Variants in ANKHD1 observed in about 807,000 individuals in gnomAD.
ANKHD1 encodes the protein ankyrin repeat and KH domain containing 1.
A neutral mutation model predicts 230.5 loss-of-function variants in ANKHD1; 31 were observed. The observed-to-expected ratio is 0.13, with a 90% confidence interval of 0.10 to 0.18. The LOEUF is 0.18. Ranked by LOEUF, ANKHD1 falls within the 10% of genes least tolerant of loss-of-function variation. The pLI is 1.00. For missense variants in ANKHD1, 2,256 were observed against 3,071.3 expected (o/e 0.73, Z 6.27); for synonymous variants, 1,074 against 1,117.6 (o/e 0.96, Z 0.78).
intron 7 of ANKHD1, among the ~76,000 whole-genome samples, chr5:140,451,112 A>C (rs567267909): frequency 6.6e-6 from 1 of 152,254 alleles, no homozygotes; most frequent in East Asian, 1.9e-4. Flanking sequence ...AGATCACACC[A>C]CTGCACTCCA....
chr5:140,414,233 T>C (rs775349104), intron 1 of ANKHD1, among the ~76,000 whole-genome samples: 2 of 152,206 alleles, frequency 1.3e-5, no homozygotes, highest in Non-Finnish European at 2.9e-5. Context: ...CTGGATCATA[T>C]GGTAATTCTA....
chr5:140,505,200 C>T lies in ANKHD1; in HGVS notation c.3229C>T (p.Arg1077Trp), dbSNP rs755677420. 13 of 1,614,008 alleles carry T rather than the reference C, an allele frequency of 8.1e-6. No individual in the cohort carries two copies. The highest frequency in any genetic ancestry group is 1.0e-5 in the Non-Finnish European group (12 of 1,179,984). The change falls in exon 17 of 34, where the codon CGG becomes TGG. Residue 1077 changes from arginine (R) to tryptophan (W), a missense_variant. Physicochemically the swap from Arg to Trp is moderately radical, Grantham distance 101. Transcript: ENST00000360839. ...HEELVSVLIA[R>W]DAKIEHRDKK... Reference sequence around the variant, plus strand: ...AGAACTTGTATCTGTGCTCATTGCACGGGATGCCAAAATTGAACACAGAGA... The same window carrying T: ...AGAACTTGTATCTGTGCTCATTGCATGGGATGCCAAAATTGAACACAGAGA...
chr5:140,523,252 A>T lies in ANKHD1; in HGVS notation c.4318-814A>T, dbSNP rs780837713. On this transcript the variant is annotated intron_variant, in intron 24 of 33. Coordinates refer to ENST00000360839, the MANE Select transcript of ANKHD1 (RefSeq NM_017747.3). The stretch of plus-strand genomic sequence containing the variant: ...CTCCCAAGTAACTGGGACTACAGGC[A>T]TAGGTCACCATGCCTGGCTAATTTT... Among the ~76,000 whole-genome samples, 10 of 151,554 alleles carry T rather than the reference A, an allele frequency of 6.6e-5. No individual in the cohort carries two copies. In the South Asian group the frequency reaches 1.0e-3, roughly 16 times the overall value.
At chr5:140,429,339 G>A (rs536725745) in intron 1 of ANKHD1, among the ~76,000 whole-genome samples, 1 of 151,944 alleles carries the variant, frequency 6.6e-6, no homozygotes, top group East Asian at 1.9e-4. Context: ...TGATCCACCC[G>A]CCTCGGCCTC....
intron 25 of ANKHD1, among the ~76,000 whole-genome samples, chr5:140,524,532 T>G (rs1019866227): frequency 6.6e-6 from 1 of 152,178 alleles, no homozygotes; most frequent in Non-Finnish European, 1.5e-5. Flanking sequence ...TTGCCACCTT[T>G]TTTTGAGATT....
chr5:140,467,918 T>C (rs1776206844), intron 10 of ANKHD1, among the ~76,000 whole-genome samples: 1 of 152,054 alleles, frequency 6.6e-6, no homozygotes, highest in Non-Finnish European at 1.5e-5. Flanking sequence ...TAATATCTGT[T>C]TTGGGCTATA....
chr5:140,458,903 T>C (rs1775419085), intron 8 of ANKHD1, 41 bp downstream of exon 8: 2 of 1,529,600 alleles, frequency 1.3e-6, no homozygotes. Context: ...CAGTTTTCTT[T>C]GGATGTTTTG....
intron 10 of ANKHD1, chr5:140,472,234 C>T (rs770310183): frequency 1.5e-5 from 24 of 1,610,390 alleles, no homozygotes; most frequent in South Asian, 7.7e-5. Context: ...TTTTTCCTTT[C>T]GCAGGACAAG....
intron 14 of ANKHD1, among the ~76,000 whole-genome samples, chr5:140,488,134 A>C (rs1351572038): frequency 6.6e-6 from 1 of 152,202 alleles, no homozygotes; most frequent in Non-Finnish European, 1.5e-5. Flanking sequence ...CAAATTAAAC[A>C]TGCATCTGTA....
In ANKHD1 at chr5:140,520,124, GA is replaced by G. The variant is rs1174136219; in HGVS notation, c.4318-3940del. 2.6e-5 allele frequency among the ~76,000 whole-genome samples: 4 copies of G among 151,742 alleles called. No individual in the cohort carries two copies. In the East Asian group the frequency reaches 7.7e-4, roughly 29 times the overall value. ...CCATCAAAAAGTGGGCAAAGGACATGAACAGACACTTCTCAAAAGAAGACAT... is the reference window on the plus strand; with the variant it reads ...CCATCAAAAAGTGGGCAAAGGACATGACAGACACTTCTCAAAAGAAGACAT... On this transcript the variant is annotated intron_variant, in intron 24 of 33. Coordinates refer to ENST00000360839, the MANE Select transcript of ANKHD1 (RefSeq NM_017747.3).
chr5:140,447,858 C>A (rs1774412126), intron 6 of ANKHD1, among the ~76,000 whole-genome samples: 1 of 152,146 alleles, frequency 6.6e-6, no homozygotes, highest in Non-Finnish European at 1.5e-5. Flanking sequence ...AAGAGTCTTC[C>A]TAGGTGTGCG....
chr5:140,527,851 A>T lies in ANKHD1; in HGVS notation c.5088-22A>T, dbSNP rs185138629. Reference sequence around the variant, plus strand: ...AAGAGACATTTAATTTCATAAGCTCATGTGTATTCTTCATTTTATAGGTCA... The same window carrying T: ...AAGAGACATTTAATTTCATAAGCTCTTGTGTATTCTTCATTTTATAGGTCA... On this transcript the variant is annotated intron_variant, in intron 27 of 33. Coordinates refer to ENST00000360839, the MANE Select transcript of ANKHD1 (RefSeq NM_017747.3). This position sits in a 1 kb window ranked among gnomAD's most constrained non-coding sequence, Gnocchi z 4.5. 34 of 1,605,542 alleles carry T rather than the reference A, an allele frequency of 2.1e-5. No homozygotes were observed. The highest frequency in any genetic ancestry group is 1.5e-4 in the Admixed American group (9 of 58,484).
chr5:140,482,133 A>T (rs952730206), intron 10 of ANKHD1, among the ~76,000 whole-genome samples: 1 of 152,064 alleles, frequency 6.6e-6, no homozygotes, highest in Non-Finnish European at 1.5e-5. Flanking sequence ...CGTTACTCCT[A>T]AAATACCATA....
At chr5:140,458,885 A>C (rs779822603) in intron 8 of ANKHD1, 23 bp downstream of exon 8, 18 of 1,572,218 alleles carry the variant, frequency 1.1e-5, no homozygotes, top group Non-Finnish European at 1.5e-5. Context: ...TACTTCTTTT[A>C]GAAAAATCAG....
At chr5:140,412,218 A>G (rs535721817) in intron 1 of ANKHD1, among the ~76,000 whole-genome samples, 1 of 151,934 alleles carries the variant, frequency 6.6e-6, no homozygotes, top group African/African-American at 2.4e-5. Flanking sequence ...TTGTATTTTT[A>G]GTAGAGATGG....
chr5:140,422,547 C>G (rs1239499307), intron 1 of ANKHD1, among the ~76,000 whole-genome samples: 2 of 151,940 alleles, frequency 1.3e-5, no homozygotes, highest in African/African-American at 4.8e-5. Context: ...ATCAGTCTTC[C>G]AGCACTTTGG....
intron 1 of ANKHD1, among the ~76,000 whole-genome samples, chr5:140,420,267 T>C (rs911575021): frequency 6.6e-6 from 1 of 151,774 alleles, no homozygotes; most frequent in Non-Finnish European, 1.5e-5. Context: ...TGGGATTATA[T>C]GCATGAGCCA....
At position 140,507,005 on chromosome 5, in the gene ANKHD1, GTT is replaced by G; in HGVS notation, c.3551+30_3551+31del. The G allele has an allele frequency of 1.2e-6, 2 of 1,608,278 alleles. No individual in the cohort carries two copies. The highest frequency in any genetic ancestry group is 4.5e-5 in the East Asian group (2 of 44,810). Reference sequence around the variant, plus strand: ...ATTGCCTGTTCATTTTATTGTTCATGTTTAGTAAGTTACTACTTTGGACTTAA... The same window carrying G: ...ATTGCCTGTTCATTTTATTGTTCATGTAGTAAGTTACTACTTTGGACTTAA... On this transcript the variant is annotated intron_variant, in intron 19 of 33. Transcript: ENST00000360839. This position sits in a 1 kb window ranked among gnomAD's most constrained non-coding sequence, Gnocchi z 4.1.
At chr5:140,414,044 G>C (rs1161539233) in intron 1 of ANKHD1, among the ~76,000 whole-genome samples, 3 of 152,266 alleles carry the variant, frequency 2.0e-5, no homozygotes, top group Middle Eastern at 3.4e-3. Context: ...ACCTCCTAAA[G>C]TGCTGGGATT....
Sources: allele counts gnomAD v4.1 joint callset (sites outside exome capture counted in the v4.1 genomes callset), GRCh38; gene constraint gnomAD v4.1.1; non-coding constraint Gnocchi (gnomAD v3.1); transcripts MANE v1.5; gene names NCBI Gene and HGNC (gene_info 2026-07-23, HGNC 2026-07-21).